The following MYOF variants were observed in gnomAD, a reference collection of about 807,000 sequenced individuals.
MYOF encodes fer-1-like 3, myoferlin.
Under a neutral mutation model 284.2 loss-of-function variants are expected in MYOF, and 244 were observed. The observed-to-expected ratio is 0.86, with a 90% CI of 0.77 to 0.95. The LOEUF (loss-of-function observed/expected upper bound fraction) is 0.95. Among genes scored for constraint, MYOF ranks in the 40% least tolerant of loss-of-function variants. MYOF has a pLI of 0.00. For missense variants in MYOF, 2,496 were observed against 2,560.6 expected, an observed-to-expected ratio of 0.97 and a Z score of 0.54; for synonymous variants, 904 against 919.7, an observed-to-expected ratio of 0.98 and a Z score of 0.31.
intron 3 of MYOF, among the ~76,000 whole-genome samples, chr10:93,442,955 T>G (rs1477617254): frequency 6.6e-6 from 1 of 152,082 alleles, no homozygotes; most frequent in Non-Finnish European, 1.5e-5. Context: ...GGCCAGGAGT[T>G]CGAGACCAGC....
chr10:93,392,440 C>T (rs1264273141), intron 17 of MYOF, among the ~76,000 whole-genome samples: 3 of 152,132 alleles, frequency 2.0e-5, no homozygotes, highest in Non-Finnish European at 4.4e-5. Flanking sequence ...ATGACGAGTT[C>T]TGTGCAAACC....
chr10:93,409,153 C>T (rs528931030), intron 6 of MYOF, among the ~76,000 whole-genome samples: 13 of 152,248 alleles, frequency 8.5e-5, no homozygotes, highest in South Asian at 4.1e-4. Flanking sequence ...CATTCAAAGC[C>T]GGCCTGGGAA....
At chr10:93,329,977 G>A in intron 43 of MYOF, 143 bp from the exon 44 acceptor site, 4 of 756,602 alleles carry the variant, frequency 5.3e-6, no homozygotes, top group Non-Finnish European at 8.8e-6. Context: ...GGTGGGTGGT[G>A]GTGGGTGGCT....
intron 5 of MYOF, chr10:93,425,745 G>C (rs1028153232): frequency 6.0e-6 from 2 of 332,346 alleles, no homozygotes; most frequent in African/African-American, 4.3e-5. Flanking sequence ...GAGCCAAACA[G>C]CCTGGAGACA....
chr10:93,430,298 G>A (rs1247548696), intron 4 of MYOF, among the ~76,000 whole-genome samples: 1 of 151,562 alleles, frequency 6.6e-6, no homozygotes, highest in African/African-American at 2.4e-5. Context: ...TAAAGATTAT[G>A]AGGCCAGGCG....
At chr10:93,406,585 C>T (rs1201336671) in intron 7 of MYOF, among the ~76,000 whole-genome samples, 1 of 151,514 alleles carries the variant, frequency 6.6e-6, no homozygotes, top group Non-Finnish European at 1.5e-5. Flanking sequence ...CAGTCTTGCC[C>T]TCCAACGTGA....
At chr10:93,414,279 G>A (rs1848026110) in intron 5 of MYOF, among the ~76,000 whole-genome samples, 1 of 151,986 alleles carries the variant, frequency 6.6e-6, no homozygotes, top group Non-Finnish European at 1.5e-5. Context: ...GCTCACACCT[G>A]TAAACCCAGC....
chr10:93,472,569 G>A (rs2057172913), intron 1 of MYOF, among the ~76,000 whole-genome samples: 1 of 152,146 alleles, frequency 6.6e-6, no homozygotes, highest in African/African-American at 2.4e-5. Flanking sequence ...AACCCAGGAG[G>A]AGGAGGTTGC....
At position 93,409,612 on chromosome 10, in the gene MYOF, G is replaced by C; in HGVS notation, c.561C>G (p.Asn187Lys). ...GCTTATTTGACAGCATCCGCCGGCT[G>C]TTCTTTACTTTGGTGAGCCTCCGAG... ...QLARRLTKVK[N>K]SRRMLSNKPQ... The change falls in exon 6 of 54, where the codon AAC (asparagine) becomes AAG (lysine). Residue 187 changes from asparagine (N) to lysine (K), a missense_variant. Asn to Lys is a moderately conservative substitution (Grantham distance 94, BLOSUM62 0). Transcript: ENST00000359263. The C allele has an allele frequency of 1.2e-6, 2 of 1,614,180 alleles. No individual in the cohort carries two copies. The highest frequency in any genetic ancestry group is 1.7e-5 in the Admixed American group (1 of 60,030).
chr10:93,419,519 TTCAC>T (rs759291188), intron 5 of MYOF, among the ~76,000 whole-genome samples: 12 of 152,146 alleles, frequency 7.9e-5, no homozygotes, highest in Non-Finnish European at 5.9e-5. Context: ...CCATCTATCA[TTCAC>T]TCACTCATTC....
chr10:93,335,873 A>G, intron 41 of MYOF, 48 bp downstream of exon 41: 1 of 1,600,416 alleles, frequency 6.2e-7, no homozygotes, highest in African/African-American at 1.3e-5. Context: ...AGGCCTATAT[A>G]GAAAATGAAG....
chr10:93,469,059 A>C (rs556817075), intron 1 of MYOF, among the ~76,000 whole-genome samples: 98 of 152,280 alleles, frequency 6.4e-4, no homozygotes, highest in African/African-American at 2.2e-3. Flanking sequence ...ATCGGTATGA[A>C]TATCTGCCTT....
chr10:93,478,686 G>A (rs533648941), intron 1 of MYOF, among the ~76,000 whole-genome samples: 1 of 151,338 alleles, frequency 6.6e-6, no homozygotes, highest in African/African-American at 2.4e-5. Flanking sequence ...TTAAAAATTA[G>A]CTGGGCATGG....
At chr10:93,350,284 T>C (rs772093427) in intron 35 of MYOF, among the ~76,000 whole-genome samples, 25 of 152,220 alleles carry the variant, frequency 1.6e-4, no homozygotes, top group Non-Finnish European at 3.4e-4. Flanking sequence ...TTATCTGTCA[T>C]AGGGTTATAT....
Position 93,482,103 on chromosome 10 carries a change from T to A in MYOF, c.88+4A>T. On this transcript the variant is annotated splice_donor_region_variant and intron_variant, in intron 1 of 53. Coordinates refer to ENST00000359263, the MANE Select transcript of MYOF (RefSeq NM_013451.4). The stretch of plus-strand genomic sequence containing the variant: ...TTCAGAAAAAGAAGAAAACTTTTTC[T>A]TACCCTTAAAAATGACAGAAACAAT... 6.2e-7 allele frequency: 1 copy of A among 1,612,760 alleles called. No individual in the cohort carries two copies. The highest frequency in any genetic ancestry group is 8.5e-7 in the Non-Finnish European group (1 of 1,178,960).
At chr10:93,456,714 C>G (rs1482501980) in intron 2 of MYOF, among the ~76,000 whole-genome samples, 168 bp downstream of exon 2, 1 of 152,238 alleles carries the variant, frequency 6.6e-6, no homozygotes, top group African/African-American at 2.4e-5. Flanking sequence ...GTGAGCTACT[C>G]TCCTTGAACT....
intron 2 of MYOF, among the ~76,000 whole-genome samples, chr10:93,455,114 A>AC (rs2056708990): frequency 6.6e-6 from 1 of 151,044 alleles, no homozygotes; most frequent in African/African-American, 2.4e-5. Flanking sequence ...ACATGGAGAA[A>AC]CCCCATCTCT....
intron 37 of MYOF, among the ~76,000 whole-genome samples, chr10:93,345,197 C>G (rs893092007): frequency 3.3e-5 from 5 of 152,232 alleles, no homozygotes; most frequent in Non-Finnish European, 5.9e-5. Flanking sequence ...CGGTACCCAC[C>G]ATGTGCTGGG....
intron 1 of MYOF, among the ~76,000 whole-genome samples, chr10:93,463,642 C>T (rs1266035574): frequency 6.6e-6 from 1 of 151,638 alleles, no homozygotes; most frequent in Non-Finnish European, 1.5e-5. Context: ...TCAAATGATC[C>T]ACCCGTCTCG....
Sources: gnomAD v4.1 joint callset for allele counts (sites outside exome capture counted in the v4.1 genomes callset) on GRCh38, gnomAD v4.1.1 for gene constraint, MANE v1.5 for transcripts, NCBI Gene and HGNC (gene_info 2026-07-23, HGNC 2026-07-21) for gene names.